XYLT1: variants seen among roughly 807,000 people sequenced by gnomAD.
The protein encoded by XYLT1 is beta-D-xylosyltransferase 1.
Under a neutral mutation model 91.3 loss-of-function variants are expected in XYLT1, and 36 were observed. The observed-to-expected ratio is 0.39, with a 90% confidence interval of 0.30 to 0.52. XYLT1 has a LOEUF of 0.52. Ranked by LOEUF, XYLT1 falls within the 20% of genes least tolerant of loss-of-function variation. XYLT1 has a pLI of 0.68. For missense variants in XYLT1, 1,242 were observed against 1,284.5 expected (o/e 0.97, Z 0.51); for synonymous variants, 588 against 532.0 (o/e 1.11, Z -1.45).
intron 5 of XYLT1, among the ~76,000 whole-genome samples, chr16:17,182,105 C>A (rs941172949): frequency 3.3e-5 from 5 of 152,156 alleles, no homozygotes; most frequent in African/African-American, 1.2e-4. Context: ...ATGGTCATGC[C>A]CTCTCACAGG....
rs140554095 is a variant in XYLT1, at chr16:17,147,589, G to A, written c.1371-6220C>T. On this transcript the variant is annotated intron_variant, in intron 6 of 11. Coordinates refer to ENST00000261381, the MANE Select transcript of XYLT1 (RefSeq NM_022166.4). ...AAAAACTGATATGCTGCAAACGCATGCTTTGGTTAACTAAGAGTAAATGGA... is the reference window on the plus strand; with the variant it reads ...AAAAACTGATATGCTGCAAACGCATACTTTGGTTAACTAAGAGTAAATGGA... Among the ~76,000 whole-genome samples the A allele has an allele frequency of 1.5e-3, 231 of 152,304 alleles. 2 individuals carry two copies. The highest frequency in any genetic ancestry group is 5.1e-3 in the African/African-American group (214 of 41,564).
At chr16:17,453,657 C>T (rs978049252) in intron 1 of XYLT1, among the ~76,000 whole-genome samples, 2 of 152,194 alleles carry the variant, frequency 1.3e-5, no homozygotes, top group African/African-American at 4.8e-5. Flanking sequence ...CACAGAGTTT[C>T]AATGTAAAAT....
intron 2 of XYLT1, among the ~76,000 whole-genome samples, chr16:17,320,799 A>T (rs923249401): frequency 8.2e-6 from 1 of 121,358 alleles, no homozygotes. Flanking sequence ...AAAGTTTCTT[A>T]ACCACTCTGT....
At chr16:17,455,914 T>G (rs1391126952) in intron 1 of XYLT1, among the ~76,000 whole-genome samples, 18 of 152,270 alleles carry the variant, frequency 1.2e-4, no homozygotes, top group Non-Finnish European at 2.2e-4. Context: ...TCCATTTGAT[T>G]TCCAGAGAAT....
At chr16:17,179,437 C>T (rs902922400) in intron 5 of XYLT1, among the ~76,000 whole-genome samples, 2 of 152,166 alleles carry the variant, frequency 1.3e-5, no homozygotes, top group African/African-American at 4.8e-5. Flanking sequence ...TTGGGTCATT[C>T]ACAATCTTCC....
intron 2 of XYLT1, among the ~76,000 whole-genome samples, chr16:17,342,263 A>C (rs1372891068): frequency 1.3e-5 from 2 of 152,058 alleles, no homozygotes; most frequent in East Asian, 3.9e-4. Flanking sequence ...CTTTCTGCAG[A>C]GCTCCACCAC....
chr16:17,190,500 T>C (rs1395744830), intron 5 of XYLT1, among the ~76,000 whole-genome samples: 4 of 133,952 alleles, frequency 3.0e-5, no homozygotes, highest in Non-Finnish European at 4.6e-5. Context: ...TGTGTCCAAG[T>C]GTTCTCATTG....
Position 17,470,673 on chromosome 16 carries a change from C to T in XYLT1, c.124G>A (p.Ala42Thr). The T allele has an allele frequency of 8.7e-7, 1 of 1,154,364 alleles. No individual in the cohort carries two copies. Among genetic ancestry groups the T allele is most frequent in the South Asian group, 1.8e-5 (1 of 56,930 alleles). The allele number at this position is 1,154,364 out of a possible 1,614,324, so 71.5% of individuals were successfully genotyped here. The change falls in exon 1 of 12, where the codon GCC (alanine) becomes ACC (threonine). Residue 42 changes from alanine (A) to threonine (T), a missense_variant. Physicochemically the swap from Ala to Thr is moderately conservative, Grantham distance 58. Around this residue, in one of 3 missense-constraint regions of XYLT1, gnomAD observed 437 missense variants for 411.5 expected, o/e 1.06. Transcript: ENST00000261381. ...VWNFSSLDSG[A>T]GERRGGAAVG... is the part of the protein sequence containing the mutation. The stretch of plus-strand genomic sequence containing the variant: ...GCTGCGCCCCCGCGGCGCTCCCCGG[C>T]CCCGGAGTCGAGGCTGCTGAAATTC...
intron 9 of XYLT1, among the ~76,000 whole-genome samples, chr16:17,133,741 G>T (rs781471418): frequency 2.6e-5 from 4 of 152,066 alleles, no homozygotes; most frequent in Admixed American, 6.5e-5. Flanking sequence ...GAGGAGAAGG[G>T]ATTATGTTGA....
chr16:17,365,242 T>C (rs968034967), intron 1 of XYLT1, among the ~76,000 whole-genome samples: 1 of 152,260 alleles, frequency 6.6e-6, no homozygotes, highest in Admixed American at 6.5e-5. Context: ...TGGGACTCTT[T>C]TTCAACTCCT....
intron 3 of XYLT1, among the ~76,000 whole-genome samples, chr16:17,202,675 T>TA (rs2032565058): frequency 6.6e-6 from 1 of 152,212 alleles, no homozygotes; most frequent in Non-Finnish European, 1.5e-5. Context: ...GCACCTCTTT[T>TA]ACTCTCTTTC....
chr16:17,356,754 G>A (rs1257041160), intron 2 of XYLT1, among the ~76,000 whole-genome samples: 5 of 152,152 alleles, frequency 3.3e-5, no homozygotes, highest in Admixed American at 6.5e-5. Context: ...GGCTCTGAAC[G>A]AGGCCTGTCC....
intron 10 of XYLT1, among the ~76,000 whole-genome samples, chr16:17,121,316 A>G (rs2030047540): frequency 6.6e-6 from 1 of 152,140 alleles, no homozygotes; most frequent in African/African-American, 2.4e-5. Context: ...GCAGCTGACA[A>G]ACAACCTGGA....
chr16:17,266,120 T>C (rs2033799354), intron 2 of XYLT1, among the ~76,000 whole-genome samples: 3 of 152,206 alleles, frequency 2.0e-5, no homozygotes, highest in Admixed American at 2.0e-4. Context: ...TGCAGCCCTA[T>C]CCCTCTATTA....
chr16:17,160,204 C>G (rs1226189561), intron 5 of XYLT1, among the ~76,000 whole-genome samples: 3 of 152,142 alleles, frequency 2.0e-5, no homozygotes, highest in African/African-American at 7.2e-5. Context: ...CTGAATGCGC[C>G]TAGGTTGAAA....
intron 3 of XYLT1, among the ~76,000 whole-genome samples, chr16:17,248,577 T>C (rs2033481117): frequency 6.6e-6 from 1 of 152,062 alleles, no homozygotes; most frequent in African/African-American, 2.4e-5. Flanking sequence ...TTTTAAACTA[T>C]CAACACCTCT....
intron 1 of XYLT1, among the ~76,000 whole-genome samples, chr16:17,454,132 A>T (rs1390712047): frequency 6.6e-6 from 1 of 151,382 alleles, no homozygotes; most frequent in East Asian, 1.9e-4. Flanking sequence ...ATCAATTGGT[A>T]AAAAAAAAGT....
chr16:17,299,317 T>G (rs2034359827), intron 2 of XYLT1, among the ~76,000 whole-genome samples: 1 of 152,088 alleles, frequency 6.6e-6, no homozygotes, highest in Admixed American at 6.6e-5. Context: ...AATAACAGAA[T>G]GAAGAGGGGG....
intron 11 of XYLT1, among the ~76,000 whole-genome samples, chr16:17,112,667 A>C: frequency 6.6e-6 from 1 of 152,076 alleles, no homozygotes. Context: ...TAAGACCTCT[A>C]AGGGGGTGGG....
Sources: allele counts gnomAD v4.1 joint callset (sites outside exome capture counted in the v4.1 genomes callset), GRCh38; gene constraint gnomAD v4.1.1; regional missense constraint gnomAD v4.1.1; transcripts MANE v1.5; gene names NCBI Gene and HGNC (gene_info 2026-07-23, HGNC 2026-07-21).